Variants in VPS13B observed in about 807,000 individuals in gnomAD.
VPS13B encodes vacuolar protein sorting 13 homolog B.
Under a neutral mutation model 426.4 loss-of-function variants are expected in VPS13B, and 285 were observed. That is an observed-to-expected ratio of 0.67 (90% CI 0.61 to 0.74). The LOEUF (loss-of-function observed/expected upper bound fraction) is 0.74, where lower values mean the gene tolerates loss of function less well. Ranked by LOEUF, VPS13B falls within the 30% of genes least tolerant of loss-of-function variation. VPS13B has a pLI of 0.00. For synonymous variants in VPS13B, 1,676 were observed against 1,676.4 expected (o/e 1.00, Z 0.01); for missense variants, 4,537 against 4,782.6 (o/e 0.95, Z 1.51).
At chr8:99,572,353 C>T (rs140429231) in intron 31 of VPS13B, among the ~76,000 whole-genome samples, 3,678 of 152,160 alleles carry the variant, frequency 0.024, 62 homozygotes, top group Middle Eastern at 0.082. Context: ...GGTAGATGTG[C>T]ACAACGTGCA....
chr8:99,826,002 G>A (rs1390477110), intron 51 of VPS13B, among the ~76,000 whole-genome samples: 6 of 152,260 alleles, frequency 3.9e-5, no homozygotes, highest in East Asian at 3.9e-4. Context: ...GTCAGGTAGC[G>A]TGATGCCCCC....
At chr8:99,414,635 A>G (rs893561421) in intron 21 of VPS13B, among the ~76,000 whole-genome samples, 14 of 152,128 alleles carry the variant, frequency 9.2e-5, no homozygotes, top group African/African-American at 3.4e-4. Flanking sequence ...ATTTCTCAGC[A>G]TTTCCTTTCT....
rs574910117 is a variant in VPS13B at position 99,668,214 on chromosome 8, G to C, written c.6046+6723G>C. ...GAAAGTTATGACCCTGAATTAACCA[G>C]GCATGGTGATATGTGCCTGTAGTCC... On this transcript the variant is annotated intron_variant, in intron 35 of 61. Transcript: ENST00000357162. 1.1e-3 allele frequency among the ~76,000 whole-genome samples: 166 copies of C among 152,036 alleles called. 2 individuals carry two copies. Among genetic ancestry groups the C allele is most frequent in the Non-Finnish European group, 1.5e-3 (103 of 67,982 alleles).
At chr8:99,624,707 C>G (rs1361256185) in intron 33 of VPS13B, among the ~76,000 whole-genome samples, 1 of 152,016 alleles carries the variant, frequency 6.6e-6, no homozygotes, top group Non-Finnish European at 1.5e-5. Flanking sequence ...AAACCTTGAA[C>G]ATACCAGGTT....
At chr8:99,742,144 T>A (rs1451797647) in intron 39 of VPS13B, among the ~76,000 whole-genome samples, 2 of 151,974 alleles carry the variant, frequency 1.3e-5, no homozygotes, top group Non-Finnish European at 2.9e-5. Flanking sequence ...GAAGGGGACA[T>A]CACCACCGAT....
chr8:99,430,230 A>G (rs1817015829), intron 21 of VPS13B, among the ~76,000 whole-genome samples: 1 of 152,172 alleles, frequency 6.6e-6, no homozygotes. Flanking sequence ...TATGGTATCA[A>G]TGCTCATATA....
intron 12 of VPS13B, 96 bp downstream of exon 12, chr8:99,136,848 A>T: frequency 8.5e-7 from 1 of 1,172,938 alleles, no homozygotes; most frequent in Non-Finnish European, 1.3e-6. Context: ...GTACTCTGCT[A>T]CATAAGATTT....
intron 19 of VPS13B, among the ~76,000 whole-genome samples, chr8:99,275,856 A>G (rs904421753): frequency 1.3e-5 from 2 of 152,156 alleles, no homozygotes; most frequent in Non-Finnish European, 2.9e-5. Context: ...AGAGATCACT[A>G]TCAGCCATGA....
intron 30 of VPS13B, among the ~76,000 whole-genome samples, chr8:99,544,206 C>A (rs75355995): frequency 1.8e-4 from 28 of 152,030 alleles, no homozygotes; most frequent in Middle Eastern, 3.4e-3. Flanking sequence ...AGTAGACTAT[C>A]GCAAGAACAA....
chr8:99,413,066 G>C (rs1815781015), intron 21 of VPS13B, among the ~76,000 whole-genome samples: 1 of 152,154 alleles, frequency 6.6e-6, no homozygotes, highest in African/African-American at 2.4e-5. Flanking sequence ...GAAGATGCTG[G>C]CCTCATAAAA....
intron 19 of VPS13B, among the ~76,000 whole-genome samples, chr8:99,315,912 C>T (rs914086057): frequency 3.3e-5 from 5 of 152,160 alleles, no homozygotes; most frequent in African/African-American, 7.2e-5. Context: ...TTGATATCTG[C>T]CCATTGGTAG....
chr8:99,678,728 G>A (rs1831041807), intron 35 of VPS13B, among the ~76,000 whole-genome samples: 2 of 152,018 alleles, frequency 1.3e-5, no homozygotes, highest in Admixed American at 6.6e-5. Context: ...TCTAATTCTA[G>A]CATTCCTTTT....
At chr8:99,073,881 C>T (rs144016452) in intron 3 of VPS13B, among the ~76,000 whole-genome samples, 77 of 152,050 alleles carry the variant, frequency 5.1e-4, no homozygotes, top group Middle Eastern at 3.4e-3. Flanking sequence ...AGTGATCCTC[C>T]GTTCTGAGGC....
intron 30 of VPS13B, among the ~76,000 whole-genome samples, chr8:99,541,202 C>T (rs1780591580): frequency 6.6e-6 from 1 of 152,002 alleles, no homozygotes; most frequent in Non-Finnish European, 1.5e-5. Context: ...AATTTATAAA[C>T]AGAATAGACA....
chr8:99,083,049 G>A (rs1845572118), intron 3 of VPS13B, among the ~76,000 whole-genome samples: 1 of 152,088 alleles, frequency 6.6e-6, no homozygotes, highest in African/African-American at 2.4e-5. Flanking sequence ...AAATTACCTT[G>A]GGCAGTATGG....
intron 4 of VPS13B, among the ~76,000 whole-genome samples, chr8:99,099,972 G>A (rs1031663448): frequency 2.6e-5 from 4 of 152,124 alleles, no homozygotes; most frequent in East Asian, 1.9e-4. Flanking sequence ...TTTCAGATGC[G>A]TGTGGAGTAG....
intron 49 of VPS13B, 80 bp from the exon 50 acceptor site, chr8:99,821,214 A>G: frequency 5.8e-6 from 6 of 1,036,912 alleles, no homozygotes; most frequent in Non-Finnish European, 8.2e-6. Context: ...ATATAATATT[A>G]AAAAAAAAAT....
intron 31 of VPS13B, among the ~76,000 whole-genome samples, chr8:99,574,904 T>C (rs765933109): frequency 3.9e-4 from 59 of 152,164 alleles, no homozygotes; most frequent in Non-Finnish European, 7.1e-4. Context: ...GGCTCAACAC[T>C]TGTAATCCCA....
chr8:99,261,291 C>A (rs1818026333), intron 17 of VPS13B, among the ~76,000 whole-genome samples: 1 of 152,118 alleles, frequency 6.6e-6, no homozygotes, highest in Admixed American at 6.6e-5. Context: ...TCCTATCCCC[C>A]ACCAGCCAAA....
Sources: allele counts gnomAD v4.1 joint callset (sites outside exome capture counted in the v4.1 genomes callset), GRCh38; gene constraint gnomAD v4.1.1; transcripts MANE v1.5; gene names NCBI Gene and HGNC (gene_info 2026-07-23, HGNC 2026-07-21).